AFDN: variants seen among roughly 807,000 people sequenced by gnomAD.
AFDN encodes the protein afadin, adherens junction formation factor, also known as afadin.
In AFDN, 68 loss-of-function variants were observed where a neutral mutation model predicts 216.6. That is an observed-to-expected ratio of 0.31 (90% CI 0.26 to 0.38). AFDN has a LOEUF of 0.38. AFDN is among the 10% of genes least tolerant of loss of function. The pLI is 1.00. For synonymous variants in AFDN, 868 were observed against 853.7 expected (o/e 1.02, Z -0.29); for missense variants, 2,136 against 2,342.0 (o/e 0.91, Z 1.82).
intron 6 of AFDN, among the ~76,000 whole-genome samples, chr6:167,882,927 G>C (rs766856265): frequency 6.6e-6 from 1 of 152,098 alleles, no homozygotes; most frequent in Non-Finnish European, 1.5e-5. Flanking sequence ...AGTAACTATG[G>C]TATCTGGCAT....
chr6:167,832,172 G>A (rs565462817), intron 1 of AFDN, among the ~76,000 whole-genome samples: 2 of 152,298 alleles, frequency 1.3e-5, no homozygotes, highest in East Asian at 3.9e-4. Flanking sequence ...ATTTACACTT[G>A]TAAGTTGGAT....
intron 4 of AFDN, 48 bp downstream of exon 4, chr6:167,872,425 A>G: frequency 3.8e-6 from 6 of 1,558,968 alleles, no homozygotes; most frequent in Non-Finnish European, 5.2e-6. Flanking sequence ...TCCAAATCAG[A>G]TGTTTTTGTT....
chr6:167,940,635 G>A (rs377135280), intron 23 of AFDN, among the ~76,000 whole-genome samples: 1 of 11,882 alleles, frequency 8.4e-5, no homozygotes, highest in Non-Finnish European at 1.5e-4. Flanking sequence ...GAGGGTGGAA[G>A]CCATCCACAG....
chr6:167,950,522 C>T (rs1421494859), intron 29 of AFDN, among the ~76,000 whole-genome samples: 3 of 152,042 alleles, frequency 2.0e-5, no homozygotes, highest in East Asian at 1.9e-4. Flanking sequence ...GGTATTGGAG[C>T]GGACGTATCG....
rs1797169264 is a variant in AFDN at position 167,962,783 on chromosome 6, G to A, written c.4968+216G>A. The A allele has an allele frequency of 7.2e-7, 1 of 1,389,790 alleles. No individual in the cohort carries two copies. Among genetic ancestry groups the A allele is most frequent in the East Asian group, 2.6e-5 (1 of 38,906 alleles). 86.1% of individuals were successfully genotyped at this position (1,389,790 alleles called of 1,614,324 possible). Reference sequence around the variant, plus strand: ...GTCTCCAGATCCCCTTATCTGCCAAGTTTTGTCTCCTTCAAACTTCTGAAC... The same window carrying A: ...GTCTCCAGATCCCCTTATCTGCCAAATTTTGTCTCCTTCAAACTTCTGAAC... On this transcript the variant is annotated intron_variant, in intron 31 of 33. Transcript: ENST00000683244. The surrounding 1 kb of genome is among the most constrained non-coding windows in gnomAD (Gnocchi z 5.2).
chr6:167,960,829 G>C (rs1195062283), intron 30 of AFDN, among the ~76,000 whole-genome samples: 1 of 152,132 alleles, frequency 6.6e-6, no homozygotes, highest in Admixed American at 6.5e-5. Flanking sequence ...ATCTACTCCT[G>C]CTATAAGCCC....
intron 11 of AFDN, among the ~76,000 whole-genome samples, chr6:167,899,439 A>G (rs1203640560): frequency 6.6e-6 from 1 of 152,172 alleles, no homozygotes; most frequent in Non-Finnish European, 1.5e-5. Flanking sequence ...AAACTAGTGT[A>G]TTTAAACACC....
At position 167,915,312 on chromosome 6, in the gene AFDN, C is replaced by T. The variant is rs139174764; in HGVS notation, c.2444C>T (p.Ser815Leu). The T allele has an allele frequency of 5.0e-6, 8 of 1,614,202 alleles. No homozygotes were observed. The highest frequency in any genetic ancestry group is 2.2e-5 in the East Asian group (1 of 44,882). The change falls in exon 19 of 34, where the codon TCG becomes TTG. Residue 815 changes from serine to leucine, a missense_variant. Ser to Leu is a moderately radical substitution (Grantham distance 145, BLOSUM62 -2). This residue lies in a region of AFDN where 817 missense variants were observed against 965.7 expected (regional missense o/e 0.85). Coordinates refer to ENST00000683244, the MANE Select transcript of AFDN (RefSeq NM_001386888.1). ...LFNRLVTDPD[S>L]GLCSHYWGAI... ...AATAGATTGGTGACCGACCCAGATT[C>T]GGGGCTGTGCTCCCATTACTGGGGT...
intron 2 of AFDN, among the ~76,000 whole-genome samples, chr6:167,869,720 GACCCTCCGTGGAGT>G (rs1276200545): frequency 2.6e-5 from 4 of 152,342 alleles, no homozygotes; most frequent in Middle Eastern, 3.4e-3. Context: ...CTCTCACGGA[GACCCTCCGTGGAGT>G]ACCATGTTCC....
chr6:167,889,157 G>A, intron 6 of AFDN, 58 bp from the exon 7 acceptor site: 6 of 1,123,608 alleles, frequency 5.3e-6, no homozygotes, highest in Non-Finnish European at 8.0e-6. Context: ...GTTCTTTTAA[G>A]TACTTGTTAA....
At chr6:167,898,518 G>C in intron 11 of AFDN, 51 bp downstream of exon 11, 1 of 1,515,492 alleles carries the variant, frequency 6.6e-7, no homozygotes, top group Non-Finnish European at 8.9e-7. Flanking sequence ...ACTTAAAGTA[G>C]TTCAGATTAT....
intron 25 of AFDN, 80 bp from the exon 26 acceptor site, chr6:167,943,861 A>G (rs1582992454): frequency 1.7e-6 from 2 of 1,177,936 alleles, no homozygotes; most frequent in Non-Finnish European, 1.3e-6. Flanking sequence ...ATGATTTTCC[A>G]TTGCTATAAT....
At chr6:167,837,476 G>T (rs1780579611) in intron 1 of AFDN, among the ~76,000 whole-genome samples, 1 of 150,030 alleles carries the variant, frequency 6.7e-6, no homozygotes, top group Non-Finnish European at 1.5e-5. Flanking sequence ...TACATCTTTA[G>T]TACTGAATCG....
At chr6:167,844,173 ATGAAG>A (rs1185246477) in intron 1 of AFDN, among the ~76,000 whole-genome samples, 3 of 132,668 alleles carry the variant, frequency 2.3e-5, no homozygotes, top group Non-Finnish European at 4.8e-5. Context: ...AGACTCAAAA[ATGAAG>A]TGTGTGTGTG....
Position 167,911,742 on chromosome 6 carries a change from T to C in AFDN, c.2037+253T>C, listed in dbSNP as rs570571150. On this transcript the variant is annotated intron_variant, in intron 15 of 33. Coordinates refer to ENST00000683244, the MANE Select transcript of AFDN (RefSeq NM_001386888.1). The stretch of plus-strand genomic sequence containing the variant: ...TGTAGTAATAGTTGTGAGAAAGTGC[T>C]GAGACTGTTGTGGGCTTTTGTAGAA... The C allele has an allele frequency of 1.6e-4, 78 of 479,130 alleles. 3 individuals are homozygous for C. The South Asian group carries it at 1.8e-3, about 11-fold the overall frequency. The allele number at this position is 479,130 out of a possible 1,614,324, so 29.7% of individuals were successfully genotyped here. A position where few individuals can be genotyped will look rare whatever the true frequency, so the allele number is the denominator to read the frequency against.
chr6:167,970,990 T>C lies in AFDN; in HGVS notation c.*1055T>C, dbSNP rs1259153024. 1 of 214,786 alleles carries C rather than the reference T, an allele frequency of 4.7e-6. No individual in the cohort carries two copies. Among genetic ancestry groups the C allele is most frequent in the African/African-American group, 2.3e-5 (1 of 44,354 alleles). 13.3% of individuals were successfully genotyped at this position (214,786 alleles called of 1,614,324 possible). A position where few individuals can be genotyped will look rare whatever the true frequency, so the allele number is the denominator to read the frequency against. On this transcript the variant is annotated 3_prime_UTR_variant, in exon 34 of 34. Coordinates refer to ENST00000683244, the MANE Select transcript of AFDN (RefSeq NM_001386888.1). ...ATGGAAGTTCAAGCTATTTTTATAC[T>C]ATAATAGAGTTATTTAATTTTAATT...
chr6:167,926,715 T>C (rs2128524682), intron 23 of AFDN, among the ~76,000 whole-genome samples: 1 of 152,352 alleles, frequency 6.6e-6, no homozygotes, highest in East Asian at 1.9e-4. Context: ...ACAAAGCTTT[T>C]GTGTCCTACT....
chr6:167,934,899 G>C (rs955050629), intron 23 of AFDN, among the ~76,000 whole-genome samples: 8 of 152,188 alleles, frequency 5.3e-5, no homozygotes, highest in Admixed American at 3.9e-4. Context: ...AATTAGAGAA[G>C]ACATTTGGGG....
rs1161535911 is a variant in AFDN at position 167,951,972 on chromosome 6, G to A, written c.4618G>A (p.Val1540Met). The A allele has an allele frequency of 1.5e-5, 25 of 1,614,100 alleles. No homozygotes were observed. The highest frequency in any genetic ancestry group is 1.9e-5 in the Non-Finnish European group (23 of 1,180,060). The change falls in exon 30 of 34, where the codon GTG (valine) becomes ATG (methionine). Residue 1540 changes from valine to methionine, a missense_variant. This residue lies in a region of AFDN where 981 missense variants were observed against 966.0 expected (regional missense o/e 1.02). Transcript: ENST00000683244. This position sits in a 1 kb window ranked among gnomAD's most constrained non-coding sequence, Gnocchi z 7.1. ...GGAGAAGCAGCAGCAGATGCACATC[G>A]TGGACATGCTGAGCAAGGAGATCCA... ...KLEKQQQMHI[V>M]DMLSKEIQEL...
Sources: allele counts gnomAD v4.1 joint callset (sites outside exome capture counted in the v4.1 genomes callset), GRCh38; gene constraint gnomAD v4.1.1; regional missense constraint gnomAD v4.1.1; non-coding constraint Gnocchi (gnomAD v3.1); transcripts MANE v1.5; gene names NCBI Gene and HGNC (gene_info 2026-07-23, HGNC 2026-07-21).